ROBO2: variants seen among roughly 807,000 people sequenced by gnomAD.
ROBO2 encodes the protein roundabout guidance receptor 2.
A neutral mutation model predicts 160.8 loss-of-function variants in ROBO2; 53 were observed. The ratio of observed to expected loss-of-function variants is 0.33; its 90% CI spans 0.26 to 0.41. The LOEUF is 0.41. Among genes scored for constraint, ROBO2 ranks in the 10% least tolerant of loss-of-function variants. The pLI is 1.00. For synonymous variants in ROBO2, 664 were observed against 611.7 expected, an observed-to-expected ratio of 1.09 and a Z score of -1.26; for missense variants, 1,577 against 1,722.4, an observed-to-expected ratio of 0.92 and a Z score of 1.49.
At chr3:76,083,295 G>A (rs1196697461) in intron 2 of ROBO2, among the ~76,000 whole-genome samples, 1 of 152,054 alleles carries the variant, frequency 6.6e-6, no homozygotes, top group Non-Finnish European at 1.5e-5. Flanking sequence ...TGGGCATAAG[G>A]ATATAAATAC....
intron 2 of ROBO2, among the ~76,000 whole-genome samples, chr3:76,423,498 G>C (rs1255604305): frequency 1.3e-5 from 2 of 152,096 alleles, no homozygotes; most frequent in Middle Eastern, 3.2e-3. Flanking sequence ...AAGAGGTAGA[G>C]GCAAAAGTGT....
At chr3:75,976,654 CAAAG>C (rs1202380697) in intron 2 of ROBO2, among the ~76,000 whole-genome samples, 9 of 151,370 alleles carry the variant, frequency 5.9e-5, no homozygotes, top group Admixed American at 3.3e-4. Flanking sequence ...TTCATTGTCA[CAAAG>C]AAAGAATGGG....
intron 2 of ROBO2, among the ~76,000 whole-genome samples, chr3:75,995,386 G>T (rs144714594): frequency 1.3e-5 from 2 of 152,308 alleles, no homozygotes; most frequent in East Asian, 3.9e-4. Flanking sequence ...GAGGGTGCAA[G>T]CCCCAGGCCT....
chr3:77,408,297 TTA>T (rs2076422362), intron 2 of ROBO2, among the ~76,000 whole-genome samples: 1 of 152,146 alleles, frequency 6.6e-6, no homozygotes, highest in Admixed American at 6.6e-5. Context: ...TATGTGTCGT[TTA>T]TATTTTCACT....
chr3:77,552,911 C>G (rs571814668), intron 8 of ROBO2, among the ~76,000 whole-genome samples: 1 of 151,966 alleles, frequency 6.6e-6, no homozygotes, highest in Admixed American at 6.6e-5. Flanking sequence ...ATTTTGAACA[C>G]ATTTATTTTG....
chr3:77,449,466 A>G (rs1475357247), intron 2 of ROBO2, among the ~76,000 whole-genome samples: 1 of 152,120 alleles, frequency 6.6e-6, no homozygotes, highest in Non-Finnish European at 1.5e-5. Context: ...TGAACAAAAT[A>G]TGCGTTCATT....
rs2084396764 is a variant in ROBO2 at position 76,564,563 on chromosome 3, C to T, written c.110-533451C>T. The stretch of plus-strand genomic sequence containing the variant: ...AAATTGTATTATGTGGTCCACATGT[C>T]AGTCAGAGAGCAGGAAGTCAATGGC... On this transcript the variant is annotated intron_variant, in intron 2 of 26. Coordinates refer to the ROBO2 transcript ENST00000487694. 2.6e-5 allele frequency among the ~76,000 whole-genome samples: 4 copies of T among 152,290 alleles called. 1 individual carries two copies. In the South Asian group the frequency reaches 8.3e-4, roughly 32 times the overall value.
chr3:76,628,205 A>T (rs1260382530), intron 2 of ROBO2, among the ~76,000 whole-genome samples: 1 of 152,022 alleles, frequency 6.6e-6, no homozygotes, highest in Non-Finnish European at 1.5e-5. Context: ...TTCAGTTCCC[A>T]CTTAATACTT....
At chr3:77,621,615 T>C (rs1337690557) in intron 22 of ROBO2, among the ~76,000 whole-genome samples, 1 of 152,118 alleles carries the variant, frequency 6.6e-6, no homozygotes, top group East Asian at 1.9e-4. Flanking sequence ...CTTTGTTGGG[T>C]GAGACAGATA....
chr3:76,547,924 A>G (rs1405045940), intron 2 of ROBO2, among the ~76,000 whole-genome samples: 1 of 152,150 alleles, frequency 6.6e-6, no homozygotes, highest in Non-Finnish European at 1.5e-5. Context: ...TCTGTGATGG[A>G]CATCATATGA....
intron 2 of ROBO2, among the ~76,000 whole-genome samples, chr3:75,992,219 G>A (rs528981068): frequency 5.9e-5 from 9 of 152,116 alleles, no homozygotes; most frequent in Non-Finnish European, 1.0e-4. Context: ...GCATATGAAA[G>A]GTCTTTGTGG....
At chr3:77,163,702 A>G (rs534635333) in intron 2 of ROBO2, among the ~76,000 whole-genome samples, 3 of 152,356 alleles carry the variant, frequency 2.0e-5, no homozygotes, top group Non-Finnish European at 4.4e-5. Flanking sequence ...TTTGTTCACC[A>G]ACTTACACCT....
intron 2 of ROBO2, among the ~76,000 whole-genome samples, chr3:76,226,160 A>G (rs903621544): frequency 6.6e-6 from 1 of 152,246 alleles, no homozygotes; most frequent in Admixed American, 6.5e-5. Flanking sequence ...GTCTATAAGA[A>G]CACTAATTTT....
intron 2 of ROBO2, among the ~76,000 whole-genome samples, chr3:76,208,862 C>T (rs1281456730): frequency 2.6e-5 from 4 of 152,034 alleles, no homozygotes; most frequent in African/African-American, 9.7e-5. Context: ...AGTAAATTAC[C>T]CAATAAAATC....
intron 2 of ROBO2, among the ~76,000 whole-genome samples, chr3:76,103,259 C>T (rs992223581): frequency 8.5e-5 from 13 of 152,106 alleles, no homozygotes; most frequent in Non-Finnish European, 1.6e-4. Flanking sequence ...CCAGAGCACT[C>T]GCCACATTTT....
At chr3:76,843,067 G>T (rs1414854167) in intron 2 of ROBO2, among the ~76,000 whole-genome samples, 1 of 151,962 alleles carries the variant, frequency 6.6e-6, no homozygotes, top group South Asian at 2.1e-4. Context: ...AAAGGTGAGG[G>T]AGTCTTTATC....
intron 2 of ROBO2, among the ~76,000 whole-genome samples, chr3:77,287,066 T>C (rs993040538): frequency 6.6e-6 from 1 of 152,162 alleles, no homozygotes; most frequent in African/African-American, 2.4e-5. Context: ...TTAGACAAAG[T>C]GCAAAAAGCA....
At chr3:76,675,435 AAG>A (rs1491336908) in intron 2 of ROBO2, among the ~76,000 whole-genome samples, 151 of 118,378 alleles carry the variant, frequency 1.3e-3, no homozygotes, top group African/African-American at 5.0e-3. Flanking sequence ...AGGGGGGAAA[AAG>A]AAACGAAAAC....
chr3:76,234,516 C>T (rs1245545690), intron 2 of ROBO2, among the ~76,000 whole-genome samples: 2 of 152,128 alleles, frequency 1.3e-5, no homozygotes, highest in African/African-American at 2.4e-5. Flanking sequence ...TAAAAGTGTT[C>T]CCTTCTCTCC....
Sources: allele counts gnomAD v4.1 joint callset (sites outside exome capture counted in the v4.1 genomes callset), GRCh38; gene constraint gnomAD v4.1.1; transcripts MANE v1.5; gene names NCBI Gene and HGNC (gene_info 2026-07-23, HGNC 2026-07-21).